The following CDH18 variants were observed in gnomAD, a reference collection of about 807,000 sequenced individuals.
CDH18 encodes the protein cadherin 18, also known as cadherin-18.
In CDH18, 31 loss-of-function variants were observed where a neutral mutation model predicts 67.9. That is an observed-to-expected ratio of 0.46 (90% CI 0.34 to 0.62). The LOEUF (loss-of-function observed/expected upper bound fraction) is 0.62. Among genes scored for constraint, CDH18 ranks in the 20% least tolerant of loss-of-function variants. The pLI is 0.01. For missense variants in CDH18, 890 were observed against 975.5 expected, an observed-to-expected ratio of 0.91 and a Z score of 1.17; for synonymous variants, 362 against 347.2, an observed-to-expected ratio of 1.04 and a Z score of -0.48.
intron 1 of CDH18, among the ~76,000 whole-genome samples, chr5:20,524,706 C>G (rs1021869136): frequency 6.6e-6 from 1 of 152,138 alleles, no homozygotes; most frequent in African/African-American, 2.4e-5. Context: ...CAGCTAGATA[C>G]TAGGTGTAGA....
intron 1 of CDH18, among the ~76,000 whole-genome samples, chr5:20,488,673 T>TTATATATATATATATATATA (rs34690857): frequency 1.2e-3 from 148 of 126,900 alleles, no homozygotes; most frequent in Non-Finnish European, 1.8e-3. Flanking sequence ...GGGTAGTGTT[T>TTATATATATATATATATATA]TATATATATA....
rs572623625 is a variant in CDH18, at chr5:19,531,201, T to A, written c.1391-10423A>T. The stretch of plus-strand genomic sequence containing the variant: ...AAGATAAGACACAAATATGTGAATA[T>A]ATTCAAAAAAATGAACATCTGATTA... On this transcript the variant is annotated intron_variant, in intron 9 of 12. Transcript: ENST00000382275. Among the ~76,000 whole-genome samples, 70 of 152,294 alleles carry A rather than the reference T, an allele frequency of 4.6e-4. 1 individual carries two copies. Among genetic ancestry groups the A allele is most frequent in the Admixed American group, 9.1e-4 (14 of 15,304 alleles).
intron 3 of CDH18, among the ~76,000 whole-genome samples, chr5:19,751,623 A>C (rs1770855003): frequency 6.6e-6 from 1 of 152,202 alleles, no homozygotes; most frequent in South Asian, 2.1e-4. Context: ...AACAAAAATC[A>C]ATCCAACTGT....
rs532742702 is a variant in CDH18 at position 19,960,288 on chromosome 5, CTCTT to C, written c.-257+20768_-257+20771del. ...TGTATAAAATATTTTCTTTCTTTAT[CTCTT>C]TATTCTACAAGCACTTCTCTATCTT... is the stretch of plus-strand genomic sequence containing the variant. On this transcript the variant is annotated intron_variant, in intron 2 of 12. Coordinates refer to ENST00000382275, the MANE Select transcript of CDH18 (RefSeq NM_004934.5). Among the ~76,000 whole-genome samples, 7 of 151,966 alleles carry C rather than the reference CTCTT, an allele frequency of 4.6e-5. No individual in the cohort carries two copies. In the South Asian group the frequency reaches 1.5e-3, roughly 32 times the overall value.
intron 1 of CDH18, among the ~76,000 whole-genome samples, chr5:20,471,707 CAGG>C (rs1401846337): frequency 2.0e-5 from 3 of 151,244 alleles, no homozygotes; most frequent in Non-Finnish European, 4.4e-5. Context: ...GATGCTGAGG[CAGG>C]AGAATAGATT....
Position 20,034,643 on chromosome 5 carries a change from A to C in CDH18, c.-517-42629T>G, listed in dbSNP as rs146588098. Among the ~76,000 whole-genome samples the C allele has an allele frequency of 2.6e-3, 395 of 152,084 alleles. 3 individuals are homozygous for C. The highest frequency in any genetic ancestry group is 8.8e-3 in the African/African-American group (364 of 41,526). On this transcript the variant is annotated intron_variant, in intron 2 of 14. Coordinates refer to the CDH18 transcript ENST00000507958. ...GCTAGGACATCAGCCTTCTACCTTT[A>C]AACTTGGGCTCCAACTGGACCATAA...
chr5:19,732,815 C>T (rs1767795433), intron 4 of CDH18, among the ~76,000 whole-genome samples: 1 of 152,094 alleles, frequency 6.6e-6, no homozygotes, highest in Non-Finnish European at 1.5e-5. Flanking sequence ...TTCCTTTTAA[C>T]TGTTTTTTGT....
chr5:19,924,879 G>A (rs890776605), intron 2 of CDH18, among the ~76,000 whole-genome samples: 1 of 152,052 alleles, frequency 6.6e-6, no homozygotes, highest in East Asian at 1.9e-4. Flanking sequence ...AACATCCTGT[G>A]CCCTCTTCTC....
At chr5:20,529,044 C>T (rs1756240427) in intron 1 of CDH18, among the ~76,000 whole-genome samples, 1 of 151,634 alleles carries the variant, frequency 6.6e-6, no homozygotes, top group Admixed American at 6.6e-5. Flanking sequence ...AAAATACAAT[C>T]AGAAATGATA....
chr5:20,120,207 A>T (rs1364695277), intron 2 of CDH18, among the ~76,000 whole-genome samples: 1 of 152,150 alleles, frequency 6.6e-6, no homozygotes, highest in Non-Finnish European at 1.5e-5. Context: ...ATTAATTATG[A>T]CAAAGTGATA....
Position 19,760,205 on chromosome 5 carries a change from A to C in CDH18, c.229-12969T>G, listed in dbSNP as rs112568585. ...CATTGTATTTAAATTTTATAGTTGA[A>C]TAACTGCAGTTCCCACCATTAGATC... On this transcript the variant is annotated intron_variant, in intron 3 of 12. Coordinates refer to ENST00000382275, the MANE Select transcript of CDH18 (RefSeq NM_004934.5). Among the ~76,000 whole-genome samples the C allele has an allele frequency of 4.7e-3, 714 of 152,206 alleles. 2 individuals carry two copies. Among genetic ancestry groups the C allele is most frequent in the Non-Finnish European group, 8.3e-3 (563 of 68,022 alleles).
At chr5:20,277,217 C>T (rs1278706007) in intron 1 of CDH18, among the ~76,000 whole-genome samples, 1 of 152,088 alleles carries the variant, frequency 6.6e-6, no homozygotes. Context: ...ACTGTGCTGT[C>T]TTCAAGATTC....
chr5:20,571,787 C>T (rs538823037), intron 1 of CDH18, among the ~76,000 whole-genome samples: 2 of 152,028 alleles, frequency 1.3e-5, no homozygotes, highest in African/African-American at 4.8e-5. Context: ...GCTTAGAATT[C>T]CTCCTTTTCT....
chr5:20,419,473 T>TTTG (rs1179305087), intron 1 of CDH18, among the ~76,000 whole-genome samples: 2 of 75,072 alleles, frequency 2.7e-5, no homozygotes, highest in East Asian at 6.7e-4. Context: ...TTTTTTTTTT[T>TTTG]TTTTTTTTTT....
chr5:19,634,474 T>G (rs1017254492), intron 5 of CDH18, among the ~76,000 whole-genome samples: 7 of 152,188 alleles, frequency 4.6e-5, no homozygotes, highest in Admixed American at 3.9e-4. Context: ...CGTAAGGCTA[T>G]TATAAAGATT....
intron 2 of CDH18, among the ~76,000 whole-genome samples, chr5:20,110,253 G>T (rs1747345933): frequency 6.6e-6 from 1 of 152,082 alleles, no homozygotes; most frequent in African/African-American, 2.4e-5. Flanking sequence ...CTAACTCTTG[G>T]TCATCTTTAG....
intron 2 of CDH18, among the ~76,000 whole-genome samples, chr5:19,875,395 T>TATAGATAG (rs56837232): frequency 0.037 from 5,456 of 147,692 alleles, 109 homozygotes; most frequent in Middle Eastern, 0.044. Context: ...CTTCCATGGG[T>TATAGATAG]ATAGATAGAT....
At chr5:20,418,153 G>T (rs1747488935) in intron 1 of CDH18, among the ~76,000 whole-genome samples, 1 of 151,302 alleles carries the variant, frequency 6.6e-6, no homozygotes, top group African/African-American at 2.4e-5. Flanking sequence ...TTGGCTCACC[G>T]CAACCTCCGC....
At chr5:19,806,839 A>G (rs1778087543) in intron 3 of CDH18, among the ~76,000 whole-genome samples, 1 of 152,202 alleles carries the variant, frequency 6.6e-6, no homozygotes, top group African/African-American at 2.4e-5. Flanking sequence ...ATAACGATAC[A>G]TATATGTCAA....
Sources: gnomAD v4.1 joint callset for allele counts (sites outside exome capture counted in the v4.1 genomes callset) on GRCh38, gnomAD v4.1.1 for gene constraint, MANE v1.5 for transcripts, NCBI Gene and HGNC (gene_info 2026-07-23, HGNC 2026-07-21) for gene names.